The following TMIGD3 variants were observed in gnomAD, a reference collection of about 807,000 sequenced individuals.
TMIGD3 encodes the protein AD026 protein (AD026).
TMIGD3 carries 21 observed loss-of-function variants against 28.1 expected under a neutral mutation model. The observed-to-expected ratio is 0.75, with a 90% CI of 0.53 to 1.08. TMIGD3 has a LOEUF of 1.08. Ranked by LOEUF, TMIGD3 falls within the 50% of genes least tolerant of loss-of-function variation. The pLI is 0.00. For missense variants in TMIGD3, 416 were observed against 435.6 expected (o/e 0.96, Z 0.40); for synonymous variants, 151 against 162.1 (o/e 0.93, Z 0.52).
chr1:111,540,281 G>C (rs952619141), intron 1 of TMIGD3, among the ~76,000 whole-genome samples: 4 of 152,224 alleles, frequency 2.6e-5, no homozygotes, highest in African/African-American at 9.7e-5. Context: ...CATGCAAAGG[G>C]TTGGTGCAGG....
intron 1 of TMIGD3, among the ~76,000 whole-genome samples, chr1:111,491,311 T>G (rs868108040): frequency 2.0e-4 from 30 of 152,364 alleles, no homozygotes; most frequent in African/African-American, 7.2e-4. Flanking sequence ...CAGTTTGGGC[T>G]GCGGTCTTCA....
intron 1 of TMIGD3, among the ~76,000 whole-genome samples, chr1:111,559,599 A>G (rs1657648987): frequency 6.6e-6 from 1 of 152,202 alleles, no homozygotes; most frequent in Non-Finnish European, 1.5e-5. Flanking sequence ...TGATATAATC[A>G]AATGGTATCC....
chr1:111,523,812 T>A (rs2101006060), intron 1 of TMIGD3, among the ~76,000 whole-genome samples: 1 of 152,152 alleles, frequency 6.6e-6, no homozygotes, highest in African/African-American at 2.4e-5. Flanking sequence ...TGTGCCCTTT[T>A]TAATTCTTGA....
rs536618531 is a variant in TMIGD3 at position 111,512,647 on chromosome 1, G to A, written c.108-21885C>T. 2.8e-4 allele frequency among the ~76,000 whole-genome samples: 43 copies of A among 152,318 alleles called. No homozygotes were observed. The South Asian group carries it at 7.0e-3, about 25-fold the overall frequency. The stretch of plus-strand genomic sequence containing the variant: ...GTGCTGCAGCTGGGTGGGGTTGGGG[G>A]TTGATGTTTCACTATCAGAGCCACT... On this transcript the variant is annotated intron_variant, in intron 1 of 5. Coordinates refer to the TMIGD3 transcript ENST00000369717.
chr1:111,487,351 G>A (rs1654429552), intron 3 of TMIGD3, among the ~76,000 whole-genome samples: 2 of 152,332 alleles, frequency 1.3e-5, no homozygotes, highest in Non-Finnish European at 1.5e-5. Flanking sequence ...AGCTAGTCAA[G>A]TGTTAGCAAA....
intron 1 of TMIGD3, 26 bp from the exon 2 acceptor site, chr1:111,490,788 G>A (rs1654622352): frequency 1.3e-6 from 2 of 1,552,288 alleles, no homozygotes; most frequent in East Asian, 4.5e-5. Context: ...AGATATGCTT[G>A]AGCTTAATAT....
upstream of TMIGD3, among the ~76,000 whole-genome samples, chr1:111,506,735 T>C (rs1458527924): frequency 2.6e-5 from 4 of 151,626 alleles, no homozygotes; most frequent in Admixed American, 6.6e-5. Flanking sequence ...ACAAGTATAA[T>C]GTAGATTTGG....
intron 1 of TMIGD3, among the ~76,000 whole-genome samples, chr1:111,497,957 A>G (rs1287975490): frequency 6.6e-6 from 1 of 152,210 alleles, no homozygotes; most frequent in African/African-American, 2.4e-5. Context: ...CATTTCTCCA[A>G]TGGGGCAAAA....
intron 1 of TMIGD3, among the ~76,000 whole-genome samples, chr1:111,519,214 C>T (rs1210769931): frequency 3.9e-5 from 6 of 152,172 alleles, no homozygotes; most frequent in African/African-American, 9.6e-5. Flanking sequence ...GCTGGGATTA[C>T]AGGCGTGAGC....
chr1:111,538,547 T>C (rs913197570), intron 1 of TMIGD3, among the ~76,000 whole-genome samples: 37 of 152,324 alleles, frequency 2.4e-4, no homozygotes, highest in African/African-American at 8.2e-4. Context: ...ATTCATTTTG[T>C]CCTAAATGCA....
rs1019313283 is a variant in TMIGD3 at position 111,499,677 on chromosome 1, G to A, written c.350+3328C>T. 2 of 1,221,388 alleles carry A rather than the reference G, an allele frequency of 1.6e-6. 1 individual carries two copies. The highest frequency in any genetic ancestry group is 7.5e-5 in the Admixed American group (2 of 26,738). The allele number at this position is 1,221,388 out of a possible 1,614,324, so 75.7% of individuals were successfully genotyped here. On this transcript the variant is annotated intron_variant, in intron 1 of 5. Transcript: ENST00000369716. The stretch of plus-strand genomic sequence containing the variant: ...GCTCCATGACTTATTCTTCTATTGG[G>A]AAGAAGGAAAACAGACAATAATATC...
At chr1:111,508,386 G>GC (rs1441861846), upstream of TMIGD3, among the ~76,000 whole-genome samples, 1 of 152,230 alleles carries the variant, frequency 6.6e-6, no homozygotes, top group African/African-American at 2.4e-5. Flanking sequence ...CTCAATGGTG[G>GC]CCACCAGAGG....
chr1:111,554,937 T>G (rs945137023), intron 1 of TMIGD3, among the ~76,000 whole-genome samples: 2 of 151,834 alleles, frequency 1.3e-5, no homozygotes, highest in South Asian at 4.2e-4. Context: ...AGAAACACCA[T>G]GTAAGGAAAA....
At chr1:111,504,761 A>G, upstream of TMIGD3, 1 of 660,024 alleles carries the variant, frequency 1.5e-6, no homozygotes, top group Non-Finnish European at 1.9e-6. Context: ...CCTGGGGCTC[A>G]TCAGGGTCCT....
intron 5 of TMIGD3, 124 bp downstream of exon 5, chr1:111,485,616 C>T: frequency 2.8e-6 from 2 of 707,708 alleles, no homozygotes; most frequent in East Asian, 2.8e-5. Flanking sequence ...TGGCTGGCTG[C>T]ATTGGTCTCC....
At chr1:111,499,289 A>T (rs1655039680) in intron 1 of TMIGD3, 2 of 289,168 alleles carry the variant, frequency 6.9e-6, no homozygotes, top group Non-Finnish European at 1.0e-5. Context: ...CCCAGGAATA[A>T]GGATCAGGGT....
intron 1 of TMIGD3, among the ~76,000 whole-genome samples, chr1:111,517,743 G>A (rs1655914615): frequency 6.6e-6 from 1 of 152,158 alleles, no homozygotes; most frequent in Non-Finnish European, 1.5e-5. Flanking sequence ...CTGGCACCTT[G>A]CCCAACAACA....
At chr1:111,503,720 C>G, upstream of TMIGD3, 1 of 1,045,490 alleles carries the variant, frequency 9.6e-7, no homozygotes, top group African/African-American at 1.7e-5. Flanking sequence ...TGAGTTCCAT[C>G]AAGATAAGCA....
intron 1 of TMIGD3, among the ~76,000 whole-genome samples, chr1:111,557,492 G>A (rs1657546203): frequency 2.0e-5 from 3 of 151,658 alleles, no homozygotes; most frequent in Admixed American, 2.0e-4. Context: ...GGAGGTTGCA[G>A]TGAGCCGAGA....
Sources: allele counts gnomAD v4.1 joint callset (sites outside exome capture counted in the v4.1 genomes callset), GRCh38; gene constraint gnomAD v4.1.1; transcripts MANE v1.5; gene names NCBI Gene and HGNC (gene_info 2026-07-23, HGNC 2026-07-21).